The following STX17 variants were observed in gnomAD, a reference collection of about 807,000 sequenced individuals.
STX17 encodes syntaxin 17.
In STX17, 29 loss-of-function variants were observed where a neutral mutation model predicts 35.9. The observed-to-expected ratio is 0.81, with a 90% CI of 0.60 to 1.10. STX17 has a LOEUF of 1.10. Ranked by LOEUF, STX17 falls within the 50% of genes least tolerant of loss-of-function variation. STX17 has a pLI of 0.00. For missense variants in STX17, 312 were observed against 352.3 expected, an observed-to-expected ratio of 0.89 and a Z score of 0.92; for synonymous variants, 92 against 118.3, an observed-to-expected ratio of 0.78 and a Z score of 1.44.
At chr9:99,948,392 A>T (rs527734234) in intron 3 of STX17, among the ~76,000 whole-genome samples, 81 of 152,168 alleles carry the variant, frequency 5.3e-4, no homozygotes, top group South Asian at 1.7e-3. Context: ...AATTTAAAAA[A>T]TTTTTAAATT....
At chr9:99,968,298 C>A in intron 7 of STX17, 136 bp from the exon 8 acceptor site, 3 of 1,107,760 alleles carry the variant, frequency 2.7e-6, no homozygotes, top group Middle Eastern at 3.2e-4. Flanking sequence ...TTCCCCCCTA[C>A]AAGTACAGTC....
chr9:99,963,410 C>T (rs879897200), intron 6 of STX17, among the ~76,000 whole-genome samples: 2 of 152,106 alleles, frequency 1.3e-5, no homozygotes, highest in Non-Finnish European at 2.9e-5. Context: ...TATTCCCTGT[C>T]GTTTTTGTAA....
chr9:99,924,502 G>C (rs1163373575), intron 2 of STX17, among the ~76,000 whole-genome samples: 2 of 152,078 alleles, frequency 1.3e-5, no homozygotes, highest in Non-Finnish European at 2.9e-5. Flanking sequence ...TATTCTTTGT[G>C]TTGTTGGTTT....
intron 3 of STX17, among the ~76,000 whole-genome samples, chr9:99,934,583 A>C (rs1170078223): frequency 6.6e-6 from 1 of 152,066 alleles, no homozygotes; most frequent in Non-Finnish European, 1.5e-5. Context: ...AATAGCTATG[A>C]CTCTGGAGCC....
chr9:99,928,304 A>AT (rs1193221524), intron 2 of STX17, among the ~76,000 whole-genome samples: 2 of 151,950 alleles, frequency 1.3e-5, no homozygotes, highest in Non-Finnish European at 2.9e-5. Context: ...GTGCAGTCTC[A>AT]TTTTTTATTT....
At position 99,915,374 on chromosome 9, in the gene STX17, C is replaced by T. The variant is rs1828747799; in HGVS notation, c.123+12C>T. 6.4e-7 allele frequency: 1 copy of T among 1,573,584 alleles called. No individual in the cohort carries two copies. Among genetic ancestry groups the T allele is most frequent in the Non-Finnish European group, 8.6e-7 (1 of 1,163,938 alleles). Reference sequence around the variant, plus strand: ...TAAATATTGAGAAGGTGAGCTGTTTCATTTACTACCACAAGAAATAGTTAC... The same window carrying T: ...TAAATATTGAGAAGGTGAGCTGTTTTATTTACTACCACAAGAAATAGTTAC... On this transcript the variant is annotated intron_variant, in intron 2 of 7. Transcript: ENST00000259400.
chr9:99,943,567 C>T (rs1160430897), intron 3 of STX17, among the ~76,000 whole-genome samples: 1 of 152,158 alleles, frequency 6.6e-6, no homozygotes, highest in African/African-American at 2.4e-5. Flanking sequence ...CCTTGGCCTC[C>T]CAAAGTGCTG....
intron 3 of STX17, among the ~76,000 whole-genome samples, chr9:99,938,614 G>A (rs538239662): frequency 6.6e-6 from 1 of 152,180 alleles, no homozygotes; most frequent in South Asian, 2.1e-4. Flanking sequence ...GTGAAACTCT[G>A]TCTCTACAAA....
rs77698220 is a variant in STX17 at position 99,911,034 on chromosome 9, C to CT, written c.-62-4130dup. Among the ~76,000 whole-genome samples, 942 of 143,790 alleles carry CT rather than the reference C, an allele frequency of 6.6e-3. 12 individuals carry two copies. Among genetic ancestry groups the CT allele is most frequent in the African/African-American group, 0.019 (748 of 39,550 alleles). 94.3% of individuals were successfully genotyped at this position (143,790 alleles called of 152,430 possible). ...TTGTTGTAAATGACAGGATTTCATT[C>CT]TTTTTTTTTTTTTTCTCCCTAGACG... is the stretch of plus-strand genomic sequence containing the variant. On this transcript the variant is annotated intron_variant, in intron 1 of 7. Transcript: ENST00000259400.
At chr9:99,946,294 A>G (rs564121295) in intron 3 of STX17, among the ~76,000 whole-genome samples, 1 of 152,290 alleles carries the variant, frequency 6.6e-6, no homozygotes, top group Admixed American at 6.5e-5. Context: ...AAGGCTTTGA[A>G]CATCTATGGA....
chr9:99,919,138 G>A (rs1426027758), intron 2 of STX17, among the ~76,000 whole-genome samples: 1 of 152,128 alleles, frequency 6.6e-6, no homozygotes, highest in Non-Finnish European at 1.5e-5. Flanking sequence ...TGATGGAACA[G>A]GGCAGTTACT....
rs543383322 is a variant in STX17, at chr9:99,954,633, C to T, written c.415+3348C>T. 1.7e-4 allele frequency among the ~76,000 whole-genome samples: 26 copies of T among 151,960 alleles called. 1 individual carries two copies. The East Asian group carries it at 4.1e-3, about 24-fold the overall frequency. ...TTTTTCCTTATTTTTGCTTTAGATA[C>T]TTATTATAGTAGCAACAGCCTATAT... On this transcript the variant is annotated intron_variant, in intron 4 of 7. Transcript: ENST00000259400.
chr9:99,939,846 C>G (rs1829313536), intron 3 of STX17, among the ~76,000 whole-genome samples: 1 of 152,178 alleles, frequency 6.6e-6, no homozygotes, highest in Non-Finnish European at 1.5e-5. Flanking sequence ...TTACATAGTT[C>G]TGCTCTCTCT....
chr9:99,926,505 C>T (rs1327310991), intron 2 of STX17, among the ~76,000 whole-genome samples: 18 of 145,042 alleles, frequency 1.2e-4, no homozygotes, highest in Admixed American at 1.1e-3. Flanking sequence ...TTGAGTCTTT[C>T]TTTTTTTTTT....
chr9:99,914,647 A>C (rs915512396), intron 1 of STX17, among the ~76,000 whole-genome samples: 17 of 152,238 alleles, frequency 1.1e-4, no homozygotes, highest in African/African-American at 4.1e-4. Context: ...GAAAAGTTGC[A>C]TATTATGTTA....
At chr9:99,966,821 G>A (rs1259238459) in intron 6 of STX17, among the ~76,000 whole-genome samples, 1 of 152,204 alleles carries the variant, frequency 6.6e-6, no homozygotes, top group African/African-American at 2.4e-5. Flanking sequence ...CAAGTAATGA[G>A]TTCGTGTCAC....
intron 6 of STX17, among the ~76,000 whole-genome samples, chr9:99,962,480 A>G (rs1829846221): frequency 6.6e-6 from 1 of 152,236 alleles, no homozygotes. Flanking sequence ...GTCTGTACAC[A>G]TAAAATGTGT....
chr9:99,931,454 T>C (rs1829121450), intron 3 of STX17, among the ~76,000 whole-genome samples: 1 of 152,062 alleles, frequency 6.6e-6, no homozygotes, highest in South Asian at 2.1e-4. Flanking sequence ...CTTAGATTTT[T>C]CTTTGGTCAT....
intron 3 of STX17, 115 bp downstream of exon 3, chr9:99,928,958 ACTT>A: frequency 1.2e-6 from 1 of 820,126 alleles, no homozygotes; most frequent in East Asian, 2.8e-5. Context: ...GTTACTATTT[ACTT>A]GAGGATACAT....
Sources: gnomAD v4.1 joint callset for allele counts (sites outside exome capture counted in the v4.1 genomes callset) on GRCh38, gnomAD v4.1.1 for gene constraint, MANE v1.5 for transcripts, NCBI Gene and HGNC (gene_info 2026-07-23, HGNC 2026-07-21) for gene names.